LAPTM4B: variants seen among roughly 807,000 people sequenced by gnomAD.
LAPTM4B encodes lysosomal protein transmembrane 4 beta.
A neutral mutation model predicts 28.5 loss-of-function variants in LAPTM4B; 26 were observed. The ratio of observed to expected loss-of-function variants is 0.91; its 90% CI spans 0.67 to 1.27. The LOEUF (loss-of-function observed/expected upper bound fraction) is 1.27, where lower values mean the gene tolerates loss of function less well. LAPTM4B is among the 50% of genes most tolerant of loss of function. The probability of loss-of-function intolerance (pLI) is 0.00; values close to 1 mark genes in which losing one functional copy is unlikely to be tolerated. For synonymous variants in LAPTM4B, 109 were observed against 106.4 expected, an observed-to-expected ratio of 1.02 and a Z score of -0.15; for missense variants, 288 against 285.8, an observed-to-expected ratio of 1.01 and a Z score of -0.06.
intron 5 of LAPTM4B, among the ~76,000 whole-genome samples, chr8:97,823,631 T>C (rs1019920689): frequency 6.6e-6 from 1 of 151,556 alleles, no homozygotes; most frequent in Admixed American, 6.6e-5. Context: ...CACCTCGGCC[T>C]CCCAAAGTGC....
At chr8:97,797,404 A>G (rs972610827) in intron 1 of LAPTM4B, among the ~76,000 whole-genome samples, 1 of 152,156 alleles carries the variant, frequency 6.6e-6, no homozygotes. Flanking sequence ...AAGTGCTGGG[A>G]TTACAGGAGT....
Position 97,851,555 on chromosome 8 carries a change from A to G in LAPTM4B, c.*81A>G, listed in dbSNP as rs951335305. ...ATAGTTCTGTTATTTCACTTTTGCC[A>G]TGAGCCTCTCTGAGCTTGTTTGTTG... On this transcript the variant is annotated 3_prime_UTR_variant, in exon 7 of 7. Transcript: ENST00000521545. The G allele has an allele frequency of 2.8e-5, 30 of 1,074,548 alleles. No individual in the cohort carries two copies. The African/African-American group carries it at 4.4e-4, about 16-fold the overall frequency. The allele number at this position is 1,074,548 out of a possible 1,614,324, so 66.6% of individuals were successfully genotyped here. A position where few individuals can be genotyped will look rare whatever the true frequency, so the allele number is the denominator to read the frequency against.
At chr8:97,797,237 C>T (rs953571918) in intron 1 of LAPTM4B, among the ~76,000 whole-genome samples, 1 of 151,438 alleles carries the variant, frequency 6.6e-6, no homozygotes, top group Admixed American at 6.6e-5. Flanking sequence ...CAGGTTGAAG[C>T]GATTCTCCTG....
intron 4 of LAPTM4B, among the ~76,000 whole-genome samples, chr8:97,818,386 G>A (rs1404314736): frequency 6.6e-6 from 1 of 152,146 alleles, no homozygotes; most frequent in African/African-American, 2.4e-5. Flanking sequence ...TAGCACAGTA[G>A]GCTGCCTTCC....
intron 1 of LAPTM4B, among the ~76,000 whole-genome samples, chr8:97,787,279 GTTTC>G (rs761610079): frequency 0.061 from 8,808 of 143,316 alleles, 663 homozygotes; most frequent in East Asian, 0.35. Context: ...GCTAGGAGAT[GTTTC>G]TTTCTTTTTT....
intron 6 of LAPTM4B, among the ~76,000 whole-genome samples, chr8:97,850,476 G>GTGTGTATGTGTGTGTGTGTGTA: frequency 6.8e-6 from 1 of 147,672 alleles, no homozygotes; most frequent in African/African-American, 2.6e-5. Flanking sequence ...GTGTGTGTGT[G>GTGTGTATGTGTGTGTGTGTGTA]TGTGTGTGTG....
At chr8:97,831,756 A>G (rs1458308507) in intron 6 of LAPTM4B, among the ~76,000 whole-genome samples, 1 of 152,186 alleles carries the variant, frequency 6.6e-6, no homozygotes, top group African/African-American at 2.4e-5. Context: ...TCTGGAGCGG[A>G]GACTGGAACG....
chr8:97,808,876 G>C (rs555261539), intron 2 of LAPTM4B, among the ~76,000 whole-genome samples: 1 of 151,796 alleles, frequency 6.6e-6, no homozygotes. Context: ...CAGGAGAATC[G>C]CTTTAACCCG....
rs757094560 is a variant in LAPTM4B, at chr8:97,775,796, C to T, written c.-214C>T. 5 of 1,571,896 alleles carry T rather than the reference C, an allele frequency of 3.2e-6. No individual in the cohort carries two copies. Among genetic ancestry groups the T allele is most frequent in the East Asian group, 2.3e-5 (1 of 43,276 alleles). Reference sequence around the variant, plus strand: ...CGCCCCGCCCCCTCCCCGTCCCCGCCGCTGCAGCGGTCGCCTTCGGAGCGA... The same window carrying T: ...CGCCCCGCCCCCTCCCCGTCCCCGCTGCTGCAGCGGTCGCCTTCGGAGCGA... On this transcript the variant is annotated 5_prime_UTR_variant, in exon 1 of 7. Coordinates refer to ENST00000521545, the MANE Select transcript of LAPTM4B (RefSeq NM_018407.6).
At chr8:97,843,465 A>G (rs1461112890) in intron 6 of LAPTM4B, among the ~76,000 whole-genome samples, 2 of 152,126 alleles carry the variant, frequency 1.3e-5, no homozygotes, top group Non-Finnish European at 2.9e-5. Context: ...TATTTAACAA[A>G]CTATAGTGGA....
At chr8:97,788,336 C>T in intron 1 of LAPTM4B, 1 of 355,182 alleles carries the variant, frequency 2.8e-6, no homozygotes, top group South Asian at 2.8e-5. Context: ...AGGAAACAAT[C>T]CTGAAAGTCT....
At chr8:97,791,867 G>A (rs1816502796) in intron 1 of LAPTM4B, among the ~76,000 whole-genome samples, 1 of 152,152 alleles carries the variant, frequency 6.6e-6, no homozygotes, top group African/African-American at 2.4e-5. Context: ...TTGATAGGGA[G>A]GCAGCACTGT....
At chr8:97,848,375 A>G (rs1255317395) in intron 6 of LAPTM4B, among the ~76,000 whole-genome samples, 2 of 152,024 alleles carry the variant, frequency 1.3e-5, no homozygotes, top group Non-Finnish European at 2.9e-5. Flanking sequence ...TGAAAGTTTT[A>G]TTTTGACAAA....
In LAPTM4B at chr8:97,805,341, T is replaced by TTTTTTTTTTTTTTTTTTTTA; in HGVS notation, c.100-11_100-10insTTTTTTTTTTTTTTTTTTAT. On this transcript the variant is annotated splice_polypyrimidine_tract_variant and intron_variant, in intron 1 of 6. Coordinates refer to ENST00000521545, the MANE Select transcript of LAPTM4B (RefSeq NM_018407.6). ...CTTAAATTCTTTTTTTTTTTTTTTT[T>TTTTTTTTTTTTTTTTTTTTA]TCTTGTTGCAGATCATCAATGCTGT... The TTTTTTTTTTTTTTTTTTTTA allele has an allele frequency of 7.4e-7, 1 of 1,348,536 alleles. No homozygotes were observed. The highest frequency in any genetic ancestry group is 1.5e-5 in the African/African-American group (1 of 67,964). The allele number at this position is 1,348,536 out of a possible 1,614,324, so 83.5% of individuals were successfully genotyped here. A position where few individuals can be genotyped will look rare whatever the true frequency, so the allele number is the denominator to read the frequency against.
At chr8:97,815,164 A>G (rs1816889534) in intron 2 of LAPTM4B, 164 bp from the exon 3 acceptor site, 2 of 609,846 alleles carry the variant, frequency 3.3e-6, no homozygotes, top group Non-Finnish European at 5.8e-6. Context: ...AAAATCTGTA[A>G]ACCAATATCC....
chr8:97,851,560 C>A lies in LAPTM4B; in HGVS notation c.*86C>A. 1.0e-6 allele frequency: 1 copy of A among 987,948 alleles called. No individual in the cohort carries two copies. Among genetic ancestry groups the A allele is most frequent in the Non-Finnish European group, 1.6e-6 (1 of 626,930 alleles). The allele number at this position is 987,948 out of a possible 1,614,324, so 61.2% of individuals were successfully genotyped here. A position where few individuals can be genotyped will look rare whatever the true frequency, so the allele number is the denominator to read the frequency against. ...TCTGTTATTTCACTTTTGCCATGAG[C>A]CTCTCTGAGCTTGTTTGTTGCTGAA... is the stretch of plus-strand genomic sequence containing the variant. On this transcript the variant is annotated 3_prime_UTR_variant, in exon 7 of 7. Transcript: ENST00000521545.
intron 1 of LAPTM4B, among the ~76,000 whole-genome samples, chr8:97,777,388 C>T (rs1013669647): frequency 6.6e-6 from 1 of 151,884 alleles, no homozygotes; most frequent in Non-Finnish European, 1.5e-5. Context: ...CCTCGTGATT[C>T]GCCCGCCTTG....
intron 1 of LAPTM4B, among the ~76,000 whole-genome samples, chr8:97,777,901 A>G (rs1816251109): frequency 6.6e-6 from 1 of 152,244 alleles, no homozygotes. Flanking sequence ...GCCTTCCTTG[A>G]AAATGTTCAA....
intron 1 of LAPTM4B, among the ~76,000 whole-genome samples, chr8:97,784,854 A>C (rs1046309183): frequency 2.0e-5 from 3 of 152,188 alleles, no homozygotes; most frequent in Non-Finnish European, 4.4e-5. Flanking sequence ...ATCAGCTCTT[A>C]GTGGTATGAA....
Sources: gnomAD v4.1 joint callset for allele counts (sites outside exome capture counted in the v4.1 genomes callset) on GRCh38, gnomAD v4.1.1 for gene constraint, MANE v1.5 for transcripts, NCBI Gene and HGNC (gene_info 2026-07-23, HGNC 2026-07-21) for gene names.